Variants in CATSPERB observed in about 807,000 individuals in gnomAD.
The protein encoded by CATSPERB is cation channel sperm-associated auxiliary subunit beta.
Under a neutral mutation model 128.3 loss-of-function variants are expected in CATSPERB, and 93 were observed. The ratio of observed to expected loss-of-function variants is 0.72; its 90% CI spans 0.61 to 0.86. The LOEUF (loss-of-function observed/expected upper bound fraction) is 0.86, where lower values mean the gene tolerates loss of function less well. Ranked by LOEUF, CATSPERB falls within the 40% of genes least tolerant of loss-of-function variation. The probability of loss-of-function intolerance (pLI) is 0.00; values close to 1 mark genes in which losing one functional copy is unlikely to be tolerated. For missense variants in CATSPERB, 1,153 were observed against 1,329.5 expected (o/e 0.87, Z 2.06); for synonymous variants, 381 against 448.8 (o/e 0.85, Z 1.91).
intron 20 of CATSPERB, among the ~76,000 whole-genome samples, chr14:91,614,376 G>T (rs1241916215): frequency 6.6e-6 from 1 of 152,154 alleles, no homozygotes; most frequent in East Asian, 1.9e-4. Context: ...ATCCTTAAAA[G>T]ATATGGCTAG....
intron 22 of CATSPERB, chr14:91,603,430 C>A (rs1301816450): frequency 1.3e-6 from 2 of 1,585,240 alleles, no homozygotes; most frequent in Non-Finnish European, 1.7e-6. Context: ...TTATTCCCAG[C>A]CATCAGAACT....
At chr14:91,691,582 T>C in intron 9 of CATSPERB, 27 bp from the exon 10 acceptor site, 2 of 1,585,570 alleles carry the variant, frequency 1.3e-6, no homozygotes, top group Non-Finnish European at 1.7e-6. Context: ...AACTTTAATT[T>C]TTGCTTGCAT....
chr14:91,675,073 C>T (rs780403228), intron 11 of CATSPERB, among the ~76,000 whole-genome samples: 6 of 151,430 alleles, frequency 4.0e-5, no homozygotes, highest in Non-Finnish European at 5.9e-5. Context: ...TGGCAAGCAG[C>T]CAAGCTTGCA....
At chr14:91,619,623 A>T (rs17261253) in intron 19 of CATSPERB, among the ~76,000 whole-genome samples, 29,229 of 150,144 alleles carry the variant, frequency 0.19, 3,684 homozygotes, top group East Asian at 0.43. Flanking sequence ...AGTTTTATGC[A>T]TACTCATTTG....
chr14:91,589,810 G>A (rs1893366214), intron 23 of CATSPERB, 141 bp from the exon 24 acceptor site: 1 of 713,292 alleles, frequency 1.4e-6, no homozygotes, highest in African/African-American at 1.8e-5. Flanking sequence ...TGCCTTTTCA[G>A]TCATGAAAAT....
intron 11 of CATSPERB, 78 bp downstream of exon 11, chr14:91,683,799 T>G (rs1895327675): frequency 2.2e-6 from 2 of 925,674 alleles, no homozygotes; most frequent in Admixed American, 5.2e-5. Flanking sequence ...AAAAGACCAT[T>G]CCAAAGGCTG....
chr14:91,648,937 C>T (rs1894654985), intron 15 of CATSPERB, among the ~76,000 whole-genome samples: 2 of 152,004 alleles, frequency 1.3e-5, no homozygotes, highest in African/African-American at 2.4e-5. Context: ...ACATGCTACA[C>T]CACACAACGC....
intron 11 of CATSPERB, among the ~76,000 whole-genome samples, chr14:91,675,418 A>G (rs1035926516): frequency 1.3e-5 from 2 of 152,216 alleles, no homozygotes; most frequent in Non-Finnish European, 2.9e-5. Flanking sequence ...TCAGAACTGG[A>G]TAAGTCAACT....
intron 14 of CATSPERB, among the ~76,000 whole-genome samples, chr14:91,669,371 T>C (rs1895046258): frequency 6.6e-6 from 1 of 151,310 alleles, no homozygotes; most frequent in Non-Finnish European, 1.5e-5. Flanking sequence ...GATACAGAAC[T>C]GACTGAAGGA....
chr14:91,728,179 T>A (rs1273451943), intron 2 of CATSPERB, among the ~76,000 whole-genome samples: 1 of 152,184 alleles, frequency 6.6e-6, no homozygotes, highest in Non-Finnish European at 1.5e-5. Flanking sequence ...AGTGGAGTGA[T>A]CTTGGCTCAC....
At chr14:91,624,251 G>A (rs892241114) in intron 18 of CATSPERB, among the ~76,000 whole-genome samples, 2 of 152,218 alleles carry the variant, frequency 1.3e-5, no homozygotes, top group African/African-American at 4.8e-5. Flanking sequence ...AGACGCTGAG[G>A]TGGGCAGATT....
intron 22 of CATSPERB, among the ~76,000 whole-genome samples, chr14:91,595,894 A>C (rs988724489): frequency 6.6e-6 from 1 of 152,258 alleles, no homozygotes; most frequent in Non-Finnish European, 1.5e-5. Context: ...AATAGGTTCC[A>C]AATTTTGTTC....
intron 23 of CATSPERB, 123 bp from the exon 24 acceptor site, chr14:91,589,792 G>C (rs1385290613): frequency 7.2e-6 from 6 of 827,850 alleles, no homozygotes. Context: ...GTGCTCCTGA[G>C]GGGTTTCTGC....
At chr14:91,599,545 CAAA>C (rs36175924) in intron 22 of CATSPERB, among the ~76,000 whole-genome samples, 4 of 113,954 alleles carry the variant, frequency 3.5e-5, no homozygotes, top group Admixed American at 9.5e-5. Context: ...GGCGGCAGAG[CAAA>C]AAAAAAAAAA....
chr14:91,692,005 C>T lies in CATSPERB; in HGVS notation c.832-450G>A, dbSNP rs548487888. 4.2e-4 allele frequency among the ~76,000 whole-genome samples: 64 copies of T among 152,048 alleles called. No individual in the cohort carries two copies. The South Asian group carries it at 0.012, about 29-fold the overall frequency. On this transcript the variant is annotated intron_variant, in intron 9 of 26. Coordinates refer to ENST00000256343, the MANE Select transcript of CATSPERB (RefSeq NM_024764.4). ...CAGCCTGGCCAACATAGTGAAACTC[C>T]GTTTCTCCTAAAAATACAAAAATTA...
At chr14:91,725,431 A>C (rs1026403533) in intron 2 of CATSPERB, among the ~76,000 whole-genome samples, 2 of 152,230 alleles carry the variant, frequency 1.3e-5, no homozygotes, top group Non-Finnish European at 1.5e-5. Context: ...TTAGAGGTAG[A>C]CAAAAACCAG....
chr14:91,658,039 C>T (rs1260451770), intron 15 of CATSPERB, among the ~76,000 whole-genome samples: 2 of 151,934 alleles, frequency 1.3e-5, no homozygotes, highest in Admixed American at 6.6e-5. Context: ...CTAGGATATA[C>T]CCCCCAAAAA....
chr14:91,587,946 C>T, intron 25 of CATSPERB, 32 bp downstream of exon 25: 1 of 1,384,464 alleles, frequency 7.2e-7, no homozygotes, highest in Non-Finnish European at 1.0e-6. Context: ...TATCTAAACT[C>T]AACACAGTAA....
At chr14:91,713,765 T>C (rs1375006705) in intron 5 of CATSPERB, among the ~76,000 whole-genome samples, 1 of 152,128 alleles carries the variant, frequency 6.6e-6, no homozygotes, top group Non-Finnish European at 1.5e-5. Flanking sequence ...TGACACCAAT[T>C]CTATAAAAAC....
Sources: gnomAD v4.1 joint callset for allele counts (sites outside exome capture counted in the v4.1 genomes callset) on GRCh38, gnomAD v4.1.1 for gene constraint, MANE v1.5 for transcripts, NCBI Gene and HGNC (gene_info 2026-07-23, HGNC 2026-07-21) for gene names.